RBFOX3: variants seen among roughly 807,000 people sequenced by gnomAD.
The protein encoded by RBFOX3 is RNA binding protein fox-1 homolog 3.
A neutral mutation model predicts 48.7 loss-of-function variants in RBFOX3; 17 were observed. The observed-to-expected ratio is 0.35, with a 90% CI of 0.24 to 0.52. The LOEUF is 0.52. Ranked by LOEUF, RBFOX3 falls within the 20% of genes least tolerant of loss-of-function variation. RBFOX3 has a pLI of 0.94. For missense variants in RBFOX3, 382 were observed against 497.5 expected, an observed-to-expected ratio of 0.77 and a Z score of 2.21; for synonymous variants, 212 against 209.5, an observed-to-expected ratio of 1.01 and a Z score of -0.10.
chr17:79,182,630 C>G (rs1416044054), intron 4 of RBFOX3, among the ~76,000 whole-genome samples: 1 of 151,916 alleles, frequency 6.6e-6, no homozygotes, highest in South Asian at 2.1e-4. Context: ...TCAGAGTCGC[C>G]GACTTTCCTG....
In RBFOX3 at chr17:79,391,927, G is replaced by C. The variant is rs536159453; in HGVS notation, c.-174-84103C>G. The stretch of plus-strand genomic sequence containing the variant: ...TCCTTCCCGGTTCTGAAGCTCACAG[G>C]TCGCGGGTTTGCTGAGAAGGCACGT... On this transcript the variant is annotated intron_variant, in intron 2 of 14. Transcript: ENST00000693108. This position sits in a 1 kb window ranked among gnomAD's most constrained non-coding sequence, Gnocchi z 5.0. Among the ~76,000 whole-genome samples the C allele has an allele frequency of 6.6e-6, 1 of 152,246 alleles. No individual in the cohort carries two copies. Among genetic ancestry groups the C allele is most frequent in the Admixed American group, 6.5e-5 (1 of 15,296 alleles).
chr17:79,208,818 CT>C lies in RBFOX3; in HGVS notation c.-34+26947del, dbSNP rs534953126. ...CACCCTGGCTGCTCTTTCTCTCTTTCTTTTTTTTTTTGTTTGAGACGGAGTC... is the reference window on the plus strand; with the variant it reads ...CACCCTGGCTGCTCTTTCTCTCTTTCTTTTTTTTTTGTTTGAGACGGAGTC... On this transcript the variant is annotated intron_variant, in intron 4 of 14. Coordinates refer to ENST00000693108, the MANE Select transcript of RBFOX3 (RefSeq NM_001350451.2). 2.4e-3 allele frequency among the ~76,000 whole-genome samples: 350 copies of C among 146,660 alleles called. 1 individual carries two copies. Among genetic ancestry groups the C allele is most frequent in the Middle Eastern group, 7.2e-3 (2 of 278 alleles).
At position 79,270,694 on chromosome 17, in the gene RBFOX3, G is replaced by A. The variant is rs556102495; in HGVS notation, c.-73-34889C>T. On this transcript the variant is annotated intron_variant, in intron 3 of 14. Coordinates refer to ENST00000693108, the MANE Select transcript of RBFOX3 (RefSeq NM_001350451.2). ...GAGCGATGTAGGCAGAGTAAGGAGG[G>A]GAAAGAGGCAGTTCTGGCGGCCCTG... Among the ~76,000 whole-genome samples the A allele has an allele frequency of 7.2e-5, 11 of 152,362 alleles. No individual in the cohort carries two copies. The Middle Eastern group carries it at 0.014, about 188-fold the overall frequency.
At chr17:79,547,842 A>G (rs2090666430) in intron 1 of RBFOX3, among the ~76,000 whole-genome samples, 1 of 132,684 alleles carries the variant, frequency 7.5e-6, no homozygotes, top group African/African-American at 3.8e-5. Context: ...TCGCACCCAC[A>G]CCGATTCACA....
intron 2 of RBFOX3, among the ~76,000 whole-genome samples, chr17:79,365,260 A>C (rs1446355816): frequency 6.6e-6 from 1 of 152,210 alleles, no homozygotes; most frequent in Non-Finnish European, 1.5e-5. Context: ...CTATGAACAA[A>C]ATATCCACTC....
At chr17:79,518,656 C>A (rs1253737749) in intron 1 of RBFOX3, among the ~76,000 whole-genome samples, 1 of 152,222 alleles carries the variant, frequency 6.6e-6, no homozygotes, top group African/African-American at 2.4e-5. Flanking sequence ...GGGAGGAGGA[C>A]CTGCAAGAAC....
At chr17:79,126,113 C>T (rs1463515998) in intron 4 of RBFOX3, among the ~76,000 whole-genome samples, 2 of 152,242 alleles carry the variant, frequency 1.3e-5, no homozygotes, top group East Asian at 3.8e-4. Flanking sequence ...AAGCCCCTCA[C>T]CCCCTCCCCA....
rs182657807 is a variant in RBFOX3 at position 79,145,525 on chromosome 17, G to A, written c.-33-29777C>T. 8.3e-4 allele frequency among the ~76,000 whole-genome samples: 126 copies of A among 152,334 alleles called. 1 individual carries two copies. The highest frequency in any genetic ancestry group is 2.5e-3 in the South Asian group (12 of 4,826). ...GAAGCACCTGCTCTCCGTGTTCTCC[G>A]GAGCCAGCCCACAGGCCAGCCCAGT... is the stretch of plus-strand genomic sequence containing the variant. On this transcript the variant is annotated intron_variant, in intron 4 of 14. Coordinates refer to ENST00000693108, the MANE Select transcript of RBFOX3 (RefSeq NM_001350451.2).
intron 2 of RBFOX3, among the ~76,000 whole-genome samples, chr17:79,428,286 G>A (rs2067757687): frequency 6.6e-6 from 1 of 152,194 alleles, no homozygotes; most frequent in Non-Finnish European, 1.5e-5. Context: ...GGGAGGTGAG[G>A]GAGGGCAGGT....
intron 3 of RBFOX3, among the ~76,000 whole-genome samples, chr17:79,294,324 T>C (rs1482292802): frequency 6.6e-6 from 1 of 152,138 alleles, no homozygotes; most frequent in Non-Finnish European, 1.5e-5. Context: ...TTTGCTTTTT[T>C]TTTGTGGATG....
chr17:79,428,301 T>C (rs2067761735), intron 2 of RBFOX3, among the ~76,000 whole-genome samples: 1 of 152,132 alleles, frequency 6.6e-6, no homozygotes, highest in Non-Finnish European at 1.5e-5. Flanking sequence ...GCAGGTGCCA[T>C]GGGGGAGCTC....
chr17:79,246,516 C>T (rs2063190946), intron 3 of RBFOX3, among the ~76,000 whole-genome samples: 1 of 152,238 alleles, frequency 6.6e-6, no homozygotes, highest in South Asian at 2.1e-4. Context: ...CGCCATATTC[C>T]CTCCAACACT....
rs1270984980 is a variant in RBFOX3 at position 79,535,495 on chromosome 17, C to T, written c.-319-52897G>A. Among the ~76,000 whole-genome samples, 1 of 152,154 alleles carries T rather than the reference C, an allele frequency of 6.6e-6. No individual in the cohort carries two copies. The highest frequency in any genetic ancestry group is 1.5e-5 in the Non-Finnish European group (1 of 68,036). On this transcript the variant is annotated intron_variant, in intron 1 of 14. Transcript: ENST00000693108. The surrounding 1 kb of genome is among the most constrained non-coding windows in gnomAD (Gnocchi z 4.5). The stretch of plus-strand genomic sequence containing the variant: ...CCGATTCCTTTACTCTCCCCTGTTA[C>T]CCAAGTGAGTCACCCCAAACGAATG...
Position 79,255,455 on chromosome 17 carries a change from C to T in RBFOX3, c.-73-19650G>A, listed in dbSNP as rs543422715. 5.5e-4 allele frequency among the ~76,000 whole-genome samples: 84 copies of T among 152,212 alleles called. 1 individual carries two copies. Among genetic ancestry groups the T allele is most frequent in the African/African-American group, 2.0e-3 (81 of 41,538 alleles). On this transcript the variant is annotated intron_variant, in intron 3 of 14. Coordinates refer to ENST00000693108, the MANE Select transcript of RBFOX3 (RefSeq NM_001350451.2). ...CCTGTCACCATTCTCCACCCCAGAG[C>T]CCTGGCCCCCCATCTGTGCTCAGGA...
chr17:79,471,382 C>G lies in RBFOX3; in HGVS notation c.-175+11072G>C, dbSNP rs546161748. 6.6e-4 allele frequency among the ~76,000 whole-genome samples: 101 copies of G among 152,286 alleles called. No individual in the cohort carries two copies. Among genetic ancestry groups the G allele is most frequent in the African/African-American group, 2.4e-3 (99 of 41,558 alleles). On this transcript the variant is annotated intron_variant, in intron 2 of 14. Transcript: ENST00000693108. The surrounding 1 kb of genome is among the most constrained non-coding windows in gnomAD (Gnocchi z 4.0). ...CTAAATAATTCAAAAATCATGATGACCTTGCCTTGGGAACTTTTGGAGCAA... is the reference window on the plus strand; with the variant it reads ...CTAAATAATTCAAAAATCATGATGAGCTTGCCTTGGGAACTTTTGGAGCAA...
Position 79,323,762 on chromosome 17 carries a change from C to T in RBFOX3, c.-174-15938G>A, listed in dbSNP as rs184147996. Among the ~76,000 whole-genome samples, 262 of 152,398 alleles carry T rather than the reference C, an allele frequency of 1.7e-3. 1 individual carries two copies. The highest frequency in any genetic ancestry group is 3.4e-3 in the Middle Eastern group (1 of 294). ...CGAGAGCTGGCGAGAGAGGCATGTT[C>T]TGCCCGTGGCCGGTGGTGTGTGGAG... On this transcript the variant is annotated intron_variant, in intron 2 of 14. Coordinates refer to ENST00000693108, the MANE Select transcript of RBFOX3 (RefSeq NM_001350451.2).
chr17:79,367,933 C>G (rs1363862309), intron 2 of RBFOX3, among the ~76,000 whole-genome samples: 5 of 152,200 alleles, frequency 3.3e-5, no homozygotes, highest in African/African-American at 1.2e-4. Flanking sequence ...CGGCATGACT[C>G]TGTGTGCATT....
chr17:79,228,220 CCG>C (rs2060557405), intron 4 of RBFOX3, among the ~76,000 whole-genome samples: 1 of 152,168 alleles, frequency 6.6e-6, no homozygotes, highest in Non-Finnish European at 1.5e-5. Flanking sequence ...CGTGGGCTCT[CCG>C]TGTTCCCTCC....
intron 1 of RBFOX3, among the ~76,000 whole-genome samples, chr17:79,583,866 G>A (rs1245475215): frequency 6.6e-6 from 1 of 152,212 alleles, no homozygotes; most frequent in Non-Finnish European, 1.5e-5. Flanking sequence ...CATGGGAAAG[G>A]AGGGAAGTGA....
Sources: gnomAD v4.1 joint callset for allele counts (sites outside exome capture counted in the v4.1 genomes callset) on GRCh38, gnomAD v4.1.1 for gene constraint, Gnocchi (gnomAD v3.1) non-coding constraint, MANE v1.5 for transcripts, NCBI Gene and HGNC (gene_info 2026-07-23, HGNC 2026-07-21) for gene names.